SLX9: variants seen among roughly 807,000 people sequenced by gnomAD.
SLX9 encodes SLX9 ribosome biogenesis factor, also known as ribosome biogenesis protein SLX9 homolog.
SLX9 carries 19 observed loss-of-function variants against 20.8 expected under a neutral mutation model. The ratio of observed to expected loss-of-function variants is 0.91; its 90% CI spans 0.64 to 1.34. The LOEUF (loss-of-function observed/expected upper bound fraction) is 1.34. Among genes scored for constraint, SLX9 ranks in the 40% most tolerant of loss-of-function variants. The pLI, the probability that SLX9 is intolerant of heterozygous loss-of-function variation, is 0.00. For missense variants in SLX9, 299 were observed against 322.2 expected, an observed-to-expected ratio of 0.93 and a Z score of 0.55; for synonymous variants, 113 against 137.1, an observed-to-expected ratio of 0.82 and a Z score of 1.23.
intron 2 of SLX9, among the ~76,000 whole-genome samples, chr21:44,958,710 C>T (rs1401419640): frequency 6.6e-6 from 1 of 152,212 alleles, no homozygotes; most frequent in Non-Finnish European, 1.5e-5. Flanking sequence ...GTCGTGGGGC[C>T]GCCGCCAGCA....
At chr21:44,976,514 G>A (rs185272940) in intron 5 of SLX9, among the ~76,000 whole-genome samples, 166 bp from the exon 6 acceptor site, 238 of 152,322 alleles carry the variant, frequency 1.6e-3, no homozygotes, top group Non-Finnish European at 2.7e-3. Flanking sequence ...AGGAGGGCCC[G>A]GGGCAGCCTC....
Position 44,943,536 on chromosome 21 carries a change from G to A in SLX9, c.130-148G>A, listed in dbSNP as rs144684091. The A allele has an allele frequency of 9.0e-5, 97 of 1,083,098 alleles. No homozygotes were observed. In the African/African-American group the frequency reaches 1.4e-3, roughly 16 times the overall value. The allele number at this position is 1,083,098 out of a possible 1,614,324, so 67.1% of individuals were successfully genotyped here. A position where few individuals can be genotyped will look rare whatever the true frequency, so the allele number is the denominator to read the frequency against. ...CGGAGGCTTCTGCTCTGGGAGGTGA[G>A]GGTTGTTTCCCCCAGGTCCTCCCGG... is the stretch of plus-strand genomic sequence containing the variant. On this transcript the variant is annotated intron_variant, in intron 1 of 5. Coordinates refer to ENST00000291634, the MANE Select transcript of SLX9 (RefSeq NM_058190.4).
chr21:44,946,004 G>A (rs1037432172), intron 2 of SLX9, among the ~76,000 whole-genome samples: 1 of 151,960 alleles, frequency 6.6e-6, no homozygotes, highest in South Asian at 2.1e-4. Flanking sequence ...AAAGTGCTGG[G>A]ATTACAGGTG....
intron 4 of SLX9, among the ~76,000 whole-genome samples, chr21:44,972,375 C>T (rs537785124): frequency 7.2e-5 from 11 of 152,172 alleles, no homozygotes; most frequent in Non-Finnish European, 1.0e-4. Flanking sequence ...AGAAGCTCCG[C>T]GGGCAGCCGG....
chr21:44,950,032 G>A (rs73906971), intron 2 of SLX9, among the ~76,000 whole-genome samples: 6,887 of 152,184 alleles, frequency 0.045, 512 homozygotes, highest in African/African-American at 0.15. Flanking sequence ...TTGCACAGCG[G>A]AGACTTGGGA....
chr21:44,943,010 A>G (rs1013233067), intron 1 of SLX9, among the ~76,000 whole-genome samples: 2 of 152,094 alleles, frequency 1.3e-5, no homozygotes, highest in Non-Finnish European at 2.9e-5. Flanking sequence ...AATTAGTGAC[A>G]TGTTTTGGGG....
Position 44,971,533 on chromosome 21 carries a change from G to C in SLX9, c.501-1664G>C, listed in dbSNP as rs541962149. Among the ~76,000 whole-genome samples the C allele has an allele frequency of 9.1e-4, 139 of 152,280 alleles. 1 individual carries two copies. The South Asian group carries it at 0.029, about 32-fold the overall frequency. On this transcript the variant is annotated intron_variant, in intron 4 of 5. Transcript: ENST00000291634. ...TGCAGCTCCTCTGCTTTGGGACCTT[G>C]GGAGGCATTGGTCCCACCCCCACTG...
chr21:44,965,680 T>C (rs922688597), intron 3 of SLX9, among the ~76,000 whole-genome samples: 3 of 152,186 alleles, frequency 2.0e-5, no homozygotes, highest in Non-Finnish European at 4.4e-5. Flanking sequence ...CTTGCATGCC[T>C]GGGGCTCACC....
intron 2 of SLX9, among the ~76,000 whole-genome samples, chr21:44,950,837 C>A (rs921637589): frequency 4.6e-5 from 7 of 152,166 alleles, no homozygotes; most frequent in Admixed American, 2.6e-4. Flanking sequence ...GCGATCAGCT[C>A]CTTCATCTGC....
Position 44,972,360 on chromosome 21 carries a change from G to A in SLX9, c.501-837G>A, listed in dbSNP as rs921633495. Reference sequence around the variant, plus strand: ...CCCGAAGATTCCCACGGTTAACTGAGGGTGAGAAGCTCCGCGGGCAGCCGG... The same window carrying A: ...CCCGAAGATTCCCACGGTTAACTGAAGGTGAGAAGCTCCGCGGGCAGCCGG... On this transcript the variant is annotated intron_variant, in intron 4 of 5. Coordinates refer to ENST00000291634, the MANE Select transcript of SLX9 (RefSeq NM_058190.4). Among the ~76,000 whole-genome samples, 11 of 152,342 alleles carry A rather than the reference G, an allele frequency of 7.2e-5. No individual in the cohort carries two copies. The East Asian group carries it at 1.9e-3, about 27-fold the overall frequency.
chr21:44,964,555 A>G (rs1040730039), intron 3 of SLX9, among the ~76,000 whole-genome samples: 2 of 151,772 alleles, frequency 1.3e-5, no homozygotes, highest in Admixed American at 6.6e-5. Flanking sequence ...TAGCGCCTCT[A>G]TGCTCCACCA....
chr21:44,941,349 G>A (rs942197853), intron 1 of SLX9, among the ~76,000 whole-genome samples: 2 of 149,754 alleles, frequency 1.3e-5, no homozygotes, highest in Non-Finnish European at 2.9e-5. Flanking sequence ...AGCAACCAGG[G>A]ATTAGTATCT....
chr21:44,972,539 G>A (rs556939842), intron 4 of SLX9, among the ~76,000 whole-genome samples: 1 of 152,312 alleles, frequency 6.6e-6, no homozygotes, highest in Non-Finnish European at 1.5e-5. Flanking sequence ...GTCCATGGGG[G>A]ACTGCAGTGC....
chr21:44,952,018 A>C (rs2146629222), intron 2 of SLX9, among the ~76,000 whole-genome samples: 1 of 147,826 alleles, frequency 6.8e-6, no homozygotes, highest in African/African-American at 2.7e-5. Context: ...TGTCGTGGGC[A>C]CAGTGCAGCA....
At chr21:44,965,954 C>A (rs1309388615) in intron 3 of SLX9, among the ~76,000 whole-genome samples, 2 of 152,078 alleles carry the variant, frequency 1.3e-5, no homozygotes, top group African/African-American at 2.4e-5. Context: ...TGGATTCTTA[C>A]CTTATAAACC....
chr21:44,944,543 C>G (rs571895933), intron 2 of SLX9, among the ~76,000 whole-genome samples: 1 of 152,342 alleles, frequency 6.6e-6, no homozygotes, highest in South Asian at 2.1e-4. Flanking sequence ...GTGTCACTTC[C>G]CAGGGATAAA....
At chr21:44,945,997 G>T (rs1182532330) in intron 2 of SLX9, among the ~76,000 whole-genome samples, 1 of 151,892 alleles carries the variant, frequency 6.6e-6, no homozygotes, top group Non-Finnish European at 1.5e-5. Flanking sequence ...GCCTCTCAAA[G>T]TGCTGGGATT....
chr21:44,953,703 G>A (rs1051268237), intron 2 of SLX9, among the ~76,000 whole-genome samples: 3 of 152,196 alleles, frequency 2.0e-5, no homozygotes, highest in Non-Finnish European at 4.4e-5. Flanking sequence ...GGCCAGGAGT[G>A]CCCTCTGGCC....
intron 1 of SLX9, among the ~76,000 whole-genome samples, chr21:44,941,592 G>A (rs942083085): frequency 6.6e-6 from 1 of 152,104 alleles, no homozygotes; most frequent in African/African-American, 2.4e-5. Flanking sequence ...CCTCTGGCTT[G>A]GAGGTGGCTG....
Sources: gnomAD v4.1 joint callset for allele counts (sites outside exome capture counted in the v4.1 genomes callset) on GRCh38, gnomAD v4.1.1 for gene constraint, MANE v1.5 for transcripts, NCBI Gene and HGNC (gene_info 2026-07-23, HGNC 2026-07-21) for gene names.